Variants in DCHS2 observed in about 807,000 individuals in gnomAD.
The protein encoded by DCHS2 is dachsous cadherin-related 2.
In DCHS2, 142 loss-of-function variants were observed where a neutral mutation model predicts 182.4. The observed-to-expected ratio is 0.78, with a 90% confidence interval of 0.68 to 0.89. The LOEUF is 0.89. Among genes scored for constraint, DCHS2 ranks in the 40% least tolerant of loss-of-function variants. The pLI is 0.00. For missense variants in DCHS2, 4,319 were observed against 4,198.6 expected, an observed-to-expected ratio of 1.03 and a Z score of -0.79; for synonymous variants, 1,740 against 1,663.3, an observed-to-expected ratio of 1.05 and a Z score of -1.12.
At chr4:154,431,362 G>A (rs542468455) in intron 1 of DCHS2, among the ~76,000 whole-genome samples, 7 of 152,088 alleles carry the variant, frequency 4.6e-5, no homozygotes, top group South Asian at 4.1e-4. Context: ...TATCATAAGC[G>A]GTAGTACTGG....
At chr4:154,330,972 T>A (rs988799064) in intron 5 of DCHS2, among the ~76,000 whole-genome samples, 1 of 152,156 alleles carries the variant, frequency 6.6e-6, no homozygotes. Flanking sequence ...TGTAAAAGAC[T>A]GTGCAGCTCA....
intron 19 of DCHS2, 29 bp from the exon 20 acceptor site, chr4:154,237,188 C>G (rs1419114486): frequency 6.4e-7 from 1 of 1,568,916 alleles, no homozygotes; most frequent in East Asian, 2.3e-5. Flanking sequence ...TATTTCAACA[C>G]TGTGAGGTGC....
intron 3 of DCHS2, among the ~76,000 whole-genome samples, chr4:154,341,960 A>G (rs1729132766): frequency 1.3e-5 from 2 of 152,106 alleles, no homozygotes; most frequent in Non-Finnish European, 2.9e-5. Flanking sequence ...ACTAAATATA[A>G]CCATCAAAAG....
chr4:154,438,898 G>A (rs1733885379), intron 1 of DCHS2, among the ~76,000 whole-genome samples: 2 of 152,108 alleles, frequency 1.3e-5, no homozygotes, highest in African/African-American at 4.8e-5. Context: ...TCCCACCAAA[G>A]GGGACATCTA....
intron 3 of DCHS2, among the ~76,000 whole-genome samples, chr4:154,337,254 C>T (rs1728853805): frequency 1.3e-5 from 2 of 152,186 alleles, no homozygotes; most frequent in African/African-American, 4.8e-5. Flanking sequence ...CAAACATCCC[C>T]ACTCACCAGG....
chr4:154,327,986 G>T, intron 7 of DCHS2, 107 bp downstream of exon 7: 1 of 656,830 alleles, frequency 1.5e-6, no homozygotes, highest in Non-Finnish European at 2.3e-6. Context: ...ACTAACTACA[G>T]CATTCAAAGT....
intron 1 of DCHS2, chr4:154,391,133 G>A: frequency 6.3e-7 from 1 of 1,581,430 alleles, no homozygotes; most frequent in Non-Finnish European, 8.6e-7. Context: ...ACTTATAAAA[G>A]CTGATACTTA....
chr4:154,425,044 T>A (rs1733266037), intron 1 of DCHS2, among the ~76,000 whole-genome samples: 1 of 152,156 alleles, frequency 6.6e-6, no homozygotes, highest in South Asian at 2.1e-4. Context: ...TAAGCACACC[T>A]TGACAGCAGC....
At chr4:154,246,307 G>T in intron 16 of DCHS2, among the ~76,000 whole-genome samples, 1 of 152,064 alleles carries the variant, frequency 6.6e-6, no homozygotes, top group East Asian at 1.9e-4. Flanking sequence ...TCATACTTGG[G>T]GTTAGTAATA....
chr4:154,346,241 C>T (rs997692404), intron 3 of DCHS2, among the ~76,000 whole-genome samples: 2 of 152,174 alleles, frequency 1.3e-5, no homozygotes, highest in African/African-American at 4.8e-5. Context: ...GGTGTCAGAA[C>T]TCCAGATCAA....
At chr4:154,260,955 A>G (rs556606164) in intron 14 of DCHS2, among the ~76,000 whole-genome samples, 1 of 152,130 alleles carries the variant, frequency 6.6e-6, no homozygotes, top group South Asian at 2.1e-4. Context: ...TAAGAAACTT[A>G]CTCCTTTAAC....
At chr4:154,453,001 CT>C (rs2110980409) in intron 1 of DCHS2, among the ~76,000 whole-genome samples, 1 of 152,268 alleles carries the variant, frequency 6.6e-6, no homozygotes, top group South Asian at 2.1e-4. Context: ...AGAAACTGGA[CT>C]GACTACAACA....
At chr4:154,394,526 A>C (rs1731852424) in intron 1 of DCHS2, among the ~76,000 whole-genome samples, 1 of 152,178 alleles carries the variant, frequency 6.6e-6, no homozygotes, top group Non-Finnish European at 1.5e-5. Flanking sequence ...AACAATAAGG[A>C]CATTTATTAT....
At chr4:154,430,418 G>A (rs1271789579) in intron 1 of DCHS2, among the ~76,000 whole-genome samples, 1 of 152,160 alleles carries the variant, frequency 6.6e-6, no homozygotes, top group Non-Finnish European at 1.5e-5. Flanking sequence ...AGGAACATGA[G>A]TCTGTTTCCA....
rs117360393 is a variant in DCHS2, at chr4:154,390,001, A to G, written c.2053-12557T>C. Among the ~76,000 whole-genome samples, 109 of 152,274 alleles carry G rather than the reference A, an allele frequency of 7.2e-4. 2 individuals carry two copies. In the East Asian group the frequency reaches 0.02, roughly 27 times the overall value. ...TAGGTTGCTGGTAGCTGATCCACGG[A>G]CTGGCACTTCAACATCTTTTTAGAT... is the stretch of plus-strand genomic sequence containing the variant. On this transcript the variant is annotated intron_variant, in intron 1 of 19. Coordinates refer to ENST00000357232, the MANE Select transcript of DCHS2 (RefSeq NM_001358235.2).
intron 13 of DCHS2, among the ~76,000 whole-genome samples, chr4:154,284,923 C>T (rs757990758): frequency 6.6e-6 from 1 of 152,126 alleles, no homozygotes; most frequent in Non-Finnish European, 1.5e-5. Flanking sequence ...TTCACCACCC[C>T]TCCCCTAACC....
chr4:154,243,280 C>T (rs1400086534), intron 16 of DCHS2, among the ~76,000 whole-genome samples: 4 of 152,018 alleles, frequency 2.6e-5, no homozygotes, highest in African/African-American at 7.2e-5. Flanking sequence ...GACAGGACAC[C>T]GCTATGATGA....
intron 5 of DCHS2, chr4:154,331,601 A>T (rs757568967): frequency 1.2e-6 from 2 of 1,612,614 alleles, no homozygotes; most frequent in African/African-American, 2.7e-5. Context: ...AATTCACAGA[A>T]CAGAGACTTG....
At chr4:154,382,633 T>A (rs1731221881) in intron 1 of DCHS2, among the ~76,000 whole-genome samples, 1 of 152,086 alleles carries the variant, frequency 6.6e-6, no homozygotes, top group African/African-American at 2.4e-5. Flanking sequence ...TATAAGGAAC[T>A]TAAATAATTC....
Sources: gnomAD v4.1 joint callset for allele counts (sites outside exome capture counted in the v4.1 genomes callset) on GRCh38, gnomAD v4.1.1 for gene constraint, MANE v1.5 for transcripts, NCBI Gene and HGNC (gene_info 2026-07-23, HGNC 2026-07-21) for gene names.